The following MOCOS variants were observed in gnomAD, a reference collection of about 807,000 sequenced individuals.
The protein encoded by MOCOS is human molybdenum cofactor sulfurase.
In MOCOS, 86 loss-of-function variants were observed where a neutral mutation model predicts 83.6. The observed-to-expected ratio is 1.03, with a 90% CI of 0.86 to 1.23. The LOEUF is 1.23. Ranked by LOEUF, MOCOS falls within the 50% of genes most tolerant of loss-of-function variation. The pLI is 0.00. For synonymous variants in MOCOS, 445 were observed against 434.7 expected, an observed-to-expected ratio of 1.02 and a Z score of -0.29; for missense variants, 1,120 against 1,126.9, an observed-to-expected ratio of 0.99 and a Z score of 0.09.
In MOCOS at chr18:36,200,096, A is replaced by T; in HGVS notation, c.713A>T (p.Asp238Val). The T allele has an allele frequency of 8.1e-6, 13 of 1,614,208 alleles. No homozygotes were observed. The highest frequency in any genetic ancestry group is 1.1e-5 in the Non-Finnish European group (13 of 1,180,032). The change falls in exon 4 of 15, where the codon GAT (aspartate) becomes GTT (valine). Residue 238 changes from aspartate (D) to valine (V), a missense_variant. Physicochemically the swap from Asp to Val is radical, Grantham distance 152. Transcript: ENST00000261326. The part of the protein sequence containing the change: ...STPGKWFVLL[D>V]AASYVSTSPL... ...CCTGGGAAGTGGTTTGTGCTGCTGG[A>T]TGCAGCCTCCTACGTGAGCACCTCG...
intron 9 of MOCOS, among the ~76,000 whole-genome samples, chr18:36,229,327 T>A (rs1159400759): frequency 6.6e-6 from 1 of 152,192 alleles, no homozygotes; most frequent in Non-Finnish European, 1.5e-5. Context: ...TTTGAATATA[T>A]CATTCTACTT....
chr18:36,240,794 G>T (rs1270403683), intron 9 of MOCOS, among the ~76,000 whole-genome samples: 6 of 152,164 alleles, frequency 3.9e-5, no homozygotes, highest in Non-Finnish European at 8.8e-5. Flanking sequence ...AGACTCCATG[G>T]GGTAGGACCC....
intron 9 of MOCOS, among the ~76,000 whole-genome samples, chr18:36,245,187 C>CT (rs571755408): frequency 0.023 from 3,439 of 151,828 alleles, 129 homozygotes; most frequent in African/African-American, 0.078. Flanking sequence ...GCCTGAATAC[C>CT]TTTTTTTTAT....
chr18:36,204,573 CTGT>C (rs1392687291), intron 5 of MOCOS, among the ~76,000 whole-genome samples: 1 of 152,126 alleles, frequency 6.6e-6, no homozygotes, highest in African/African-American at 2.4e-5. Flanking sequence ...TGGAAAAATT[CTGT>C]TGTTCAGTAC....
chr18:36,270,597 C>T lies in MOCOS; in HGVS notation c.*1912C>T, dbSNP rs2144165542. On this transcript the variant is annotated 3_prime_UTR_variant, in exon 15 of 15. Transcript: ENST00000261326. ...GCATGGTGGCATGCACCTGTAGTCC[C>T]AGCTACTTGGGAGGCTGAGGCAGGG... 1.3e-5 allele frequency: 2 copies of T among 151,718 alleles called. No individual in the cohort carries two copies. The highest frequency in any genetic ancestry group is 3.3e-3 in the Middle Eastern group (1 of 300). The allele number at this position is 151,718 out of a possible 1,614,324, so 9.4% of individuals were successfully genotyped here.
intron 5 of MOCOS, among the ~76,000 whole-genome samples, chr18:36,204,383 G>A (rs2091426494): frequency 1.3e-5 from 2 of 152,058 alleles, no homozygotes; most frequent in Non-Finnish European, 2.9e-5. Context: ...TCATGTTGAA[G>A]CATGTATTCT....
At chr18:36,266,692 G>C (rs1360078306) in intron 13 of MOCOS, 57 bp from the exon 14 acceptor site, 4 of 1,448,812 alleles carry the variant, frequency 2.8e-6, no homozygotes, top group Non-Finnish European at 2.9e-6. Flanking sequence ...CTCCCTCTGA[G>C]GTGCAAGGCT....
chr18:36,220,480 G>T (rs758134685), intron 9 of MOCOS, among the ~76,000 whole-genome samples: 31 of 152,078 alleles, frequency 2.0e-4, no homozygotes, highest in Non-Finnish European at 3.4e-4. Flanking sequence ...TTGCATTCCG[G>T]CCTGGGCGAC....
Position 36,200,183 on chromosome 18 carries a change from G to A in MOCOS, c.800G>A (p.Gly267Glu). ...FVPISFYKIF[G>E]FPTGLGALLV... The stretch of plus-strand genomic sequence containing the variant: ...CCCATCTCCTTCTATAAGATCTTCG[G>A]GTTTCCTACAGGCCTGGGCGCTCTG... Residue 267 changes from glycine to glutamate, a missense_variant, in exon 4 of 15, where the codon GGG (glycine) becomes GAG (glutamate). Gly to Glu is a moderately conservative substitution (Grantham distance 98). Coordinates refer to ENST00000261326, the MANE Select transcript of MOCOS (RefSeq NM_017947.4). 6.2e-7 allele frequency: 1 copy of A among 1,614,192 alleles called. No individual in the cohort carries two copies. Among genetic ancestry groups the A allele is most frequent in the South Asian group, 1.1e-5 (1 of 91,084 alleles).
chr18:36,198,714 G>C lies in MOCOS; in HGVS notation c.257G>C (p.Ser86Thr), dbSNP rs1344183333. 6 of 1,614,180 alleles carry C rather than the reference G, an allele frequency of 3.7e-6. No individual in the cohort carries two copies. Among genetic ancestry groups the C allele is most frequent in the Non-Finnish European group, 5.1e-6 (6 of 1,180,032 alleles). Residue 86 changes from serine to threonine, a missense_variant, in exon 3 of 15, where the codon AGC (serine) becomes ACC (threonine). Coordinates refer to ENST00000261326, the MANE Select transcript of MOCOS (RefSeq NM_017947.4). The stretch of plus-strand genomic sequence containing the variant: ...GGTAATCCTCACAGCCAGAACATCA[G>C]CAGCAAGCTCACCCATGACACTGTG... ...TYGNPHSQNI[S>T]SKLTHDTVEQ...
chr18:36,187,696 C>T lies in MOCOS; in HGVS notation c.142+15C>T. ...CCGCCTGGCAGGTGAGGCGGGCGGG[C>T]AGGCTTGGGGGACACGAGGTTTCTG... is the stretch of plus-strand genomic sequence containing the variant. On this transcript the variant is annotated intron_variant, in intron 1 of 14. Transcript: ENST00000261326. 1 of 1,264,158 alleles carries T rather than the reference C, an allele frequency of 7.9e-7. No individual in the cohort carries two copies. Among genetic ancestry groups the T allele is most frequent in the East Asian group, 2.9e-5 (1 of 33,922 alleles). The allele number at this position is 1,264,158 out of a possible 1,614,324, so 78.3% of individuals were successfully genotyped here. A position where few individuals can be genotyped will look rare whatever the true frequency, so the allele number is the denominator to read the frequency against.
chr18:36,187,715 G>A, intron 1 of MOCOS, 34 bp downstream of exon 1: 2 of 1,257,062 alleles, frequency 1.6e-6, no homozygotes, highest in Non-Finnish European at 2.0e-6. Flanking sequence ...GGGACACGAG[G>A]TTTCTGGAAC....
chr18:36,236,044 T>C (rs1344906550), intron 9 of MOCOS, among the ~76,000 whole-genome samples: 2 of 138,570 alleles, frequency 1.4e-5, no homozygotes, highest in African/African-American at 2.7e-5. Flanking sequence ...CTTTGTCAGA[T>C]GAGTAGGTTG....
At chr18:36,229,159 A>G (rs887637398) in intron 9 of MOCOS, among the ~76,000 whole-genome samples, 5 of 152,262 alleles carry the variant, frequency 3.3e-5, no homozygotes, top group African/African-American at 1.2e-4. Flanking sequence ...AGCAAATTTC[A>G]TGCTTTCTTA....
At position 36,199,931 on chromosome 18, in the gene MOCOS, G is replaced by C; in HGVS notation, c.548G>C (p.Arg183Pro). The change falls in exon 4 of 15, where the codon CGT (arginine) becomes CCT (proline). Residue 183 changes from arginine to proline, a missense_variant. Arg to Pro is a moderately radical substitution (Grantham distance 103). Transcript: ENST00000261326. ...RPEDLWSAEE[R>P]SASASNPDCQ... ...GAGGACCTGTGGTCTGCAGAGGAACGTAGTGCTTCAGCCAGCAACCCAGAC... is the reference window on the plus strand; with the variant it reads ...GAGGACCTGTGGTCTGCAGAGGAACCTAGTGCTTCAGCCAGCAACCCAGAC... 6.2e-7 allele frequency: 1 copy of C among 1,614,196 alleles called. No homozygotes were observed. The highest frequency in any genetic ancestry group is 1.1e-5 in the South Asian group (1 of 91,088).
intron 8 of MOCOS, 103 bp from the exon 9 acceptor site, chr18:36,219,952 C>T (rs2091489841): frequency 2.1e-6 from 3 of 1,419,072 alleles, no homozygotes; most frequent in Non-Finnish European, 3.0e-6. Context: ...AGTGTAGGTG[C>T]TGAATTCATG....
chr18:36,240,934 G>A (rs911955479), intron 9 of MOCOS, among the ~76,000 whole-genome samples: 1 of 152,194 alleles, frequency 6.6e-6, no homozygotes, highest in Non-Finnish European at 1.5e-5. Flanking sequence ...GATTAGGAAA[G>A]GGAACTCCCT....
At chr18:36,261,403 G>A (rs1269861712) in intron 13 of MOCOS, among the ~76,000 whole-genome samples, 1 of 152,054 alleles carries the variant, frequency 6.6e-6, no homozygotes, top group Admixed American at 6.5e-5. Flanking sequence ...AAATGCTTCT[G>A]GTGTCAAGCA....
At chr18:36,197,168 G>A (rs2091391661) in intron 2 of MOCOS, among the ~76,000 whole-genome samples, 2 of 152,182 alleles carry the variant, frequency 1.3e-5, no homozygotes, top group Admixed American at 6.5e-5. Context: ...CATATTTGGA[G>A]GCCGGGATCA....
Sources: gnomAD v4.1 joint callset for allele counts (sites outside exome capture counted in the v4.1 genomes callset) on GRCh38, gnomAD v4.1.1 for gene constraint, MANE v1.5 for transcripts, NCBI Gene and HGNC (gene_info 2026-07-23, HGNC 2026-07-21) for gene names.